CDK17: variants seen among roughly 807,000 people sequenced by gnomAD.
CDK17 encodes the protein cyclin dependent kinase 17.
CDK17 carries 24 observed loss-of-function variants against 77.6 expected under a neutral mutation model. The observed-to-expected ratio is 0.31, with a 90% CI of 0.22 to 0.44. CDK17 has a LOEUF of 0.44. Ranked by LOEUF, CDK17 falls within the 20% of genes least tolerant of loss-of-function variation. The pLI, the probability that CDK17 is intolerant of heterozygous loss-of-function variation, is 1.00. For missense variants in CDK17, 429 were observed against 622.5 expected (o/e 0.69, Z 3.31); for synonymous variants, 203 against 210.4 (o/e 0.96, Z 0.30).
In CDK17 at chr12:96,283,621, C is replaced by T. The variant is rs374223377; in HGVS notation, c.1347G>A (p.Leu449=). The change falls in exon 14 of 17, where the codon TTG becomes TTA. Residue 449 remains leucine (L), a synonymous_variant. Transcript: ENST00000261211. ...GACTTACCTGAAGAAATTTTGTTAT[C>T]AACTCAATTCCTTCAGAGTCTAACC... ...APRLDSEGIE[L]ITKFLQYESK... 1.2e-6 allele frequency: 2 copies of T among 1,600,036 alleles called. No homozygotes were observed. The highest frequency in any genetic ancestry group is 2.7e-5 in the African/African-American group (2 of 74,568).
intron 3 of CDK17, among the ~76,000 whole-genome samples, chr12:96,323,602 T>C (rs1232093768): frequency 1.5e-5 from 2 of 134,686 alleles, no homozygotes; most frequent in Non-Finnish European, 3.1e-5. Flanking sequence ...TAACCACATA[T>C]ACTATTCATT....
intron 10 of CDK17, among the ~76,000 whole-genome samples, chr12:96,294,429 C>T (rs934376729): frequency 1.3e-5 from 2 of 151,270 alleles, no homozygotes; most frequent in Non-Finnish European, 2.9e-5. Context: ...GCTAAAAATA[C>T]AAAATTAGCC....
intron 1 of CDK17, among the ~76,000 whole-genome samples, chr12:96,351,305 C>T (rs1401510432): frequency 3.9e-5 from 4 of 101,428 alleles, no homozygotes; most frequent in African/African-American, 1.6e-4. Flanking sequence ...CAACTCTACT[C>T]CTAGGGATAT....
At chr12:96,316,282 C>T (rs1468804670) in intron 3 of CDK17, among the ~76,000 whole-genome samples, 2 of 152,178 alleles carry the variant, frequency 1.3e-5, no homozygotes, top group African/African-American at 4.8e-5. Flanking sequence ...AGACTATATA[C>T]CACACCTGGC....
At chr12:96,359,241 T>C (rs536106947) in intron 1 of CDK17, among the ~76,000 whole-genome samples, 19 of 152,322 alleles carry the variant, frequency 1.2e-4, no homozygotes, top group Middle Eastern at 6.8e-3. Context: ...TGAAGATACA[T>C]ACACCATGGG....
intron 5 of CDK17, among the ~76,000 whole-genome samples, chr12:96,308,266 C>T (rs1269599027): frequency 4.4e-5 from 6 of 136,748 alleles, no homozygotes; most frequent in African/African-American, 2.6e-5. Flanking sequence ...TTTTAATTAG[C>T]TGGGTGTGAT....
At chr12:96,322,152 A>G (rs1042318148) in intron 3 of CDK17, among the ~76,000 whole-genome samples, 14 of 152,290 alleles carry the variant, frequency 9.2e-5, no homozygotes, top group Non-Finnish European at 1.6e-4. Context: ...CATTTCCATC[A>G]AGACAAACGT....
chr12:96,319,156 G>C (rs1248024622), intron 3 of CDK17, among the ~76,000 whole-genome samples: 1 of 150,984 alleles, frequency 6.6e-6, no homozygotes, highest in Non-Finnish European at 1.5e-5. Context: ...TACCATCAGA[G>C]AATACTACAA....
At chr12:96,283,351 G>A (rs950415072) in intron 14 of CDK17, among the ~76,000 whole-genome samples, 1 of 152,002 alleles carries the variant, frequency 6.6e-6, no homozygotes, top group African/African-American at 2.4e-5. Context: ...ATCAATTGCA[G>A]AGAATGTGGC....
At chr12:96,368,501 CAA>C (rs1301056568) in intron 1 of CDK17, among the ~76,000 whole-genome samples, 1 of 152,182 alleles carries the variant, frequency 6.6e-6, no homozygotes, top group Admixed American at 6.5e-5. Flanking sequence ...AGGCAGCCAG[CAA>C]AAGAGCTCTG....
intron 2 of CDK17, among the ~76,000 whole-genome samples, chr12:96,324,428 GTTTCCATA>G (rs1348854370): frequency 6.6e-6 from 1 of 152,194 alleles, no homozygotes; most frequent in East Asian, 1.9e-4. Context: ...TCTCAAGATT[GTTTCCATA>G]CCACTCCTCC....
At chr12:96,291,913 T>C (rs1952329532) in intron 10 of CDK17, among the ~76,000 whole-genome samples, 1 of 151,666 alleles carries the variant, frequency 6.6e-6, no homozygotes, top group Admixed American at 6.6e-5. Context: ...CATTTTGGGA[T>C]TGGGAATAAA....
At chr12:96,306,715 A>G (rs1212547606) in intron 5 of CDK17, among the ~76,000 whole-genome samples, 2 of 152,150 alleles carry the variant, frequency 1.3e-5, no homozygotes, top group African/African-American at 4.8e-5. Context: ...TATAAAGAAT[A>G]TATTATCCAC....
chr12:96,309,577 A>G (rs2137101776), intron 5 of CDK17, among the ~76,000 whole-genome samples: 1 of 152,352 alleles, frequency 6.6e-6, no homozygotes, highest in Non-Finnish European at 1.5e-5. Flanking sequence ...CATGTAACTG[A>G]CAAAGGTCCT....
rs565410469 is a variant in CDK17, at chr12:96,309,231, G to GGTTTTA, written c.543+1815_543+1820dup. On this transcript the variant is annotated intron_variant, in intron 5 of 16. Coordinates refer to ENST00000261211, the MANE Select transcript of CDK17 (RefSeq NM_002595.5). ...CATGACATCTACACCCAAACCTCTG[G>GGTTTTA]GTTTTAGTTTTAGTACATGAAGTTT... 1.3e-4 allele frequency among the ~76,000 whole-genome samples: 20 copies of GGTTTTA among 152,132 alleles called. No homozygotes were observed. In the South Asian group the frequency reaches 3.9e-3, roughly 30 times the overall value.
chr12:96,297,724 G>A lies in CDK17; in HGVS notation c.716-3C>T, dbSNP rs772660329. On this transcript the variant is annotated splice_polypyrimidine_tract_variant and splice_region_variant and intron_variant, in intron 7 of 16. Transcript: ENST00000261211. ...TTTTAAATCCTTTAATAGTGAAACT[G>A]CAAAACAGAAAAAGAAAATTGTTTA... 1 of 1,505,404 alleles carries A rather than the reference G, an allele frequency of 6.6e-7. No homozygotes were observed. The highest frequency in any genetic ancestry group is 9.2e-7 in the Non-Finnish European group (1 of 1,090,000). The allele number at this position is 1,505,404 out of a possible 1,614,324, so 93.3% of individuals were successfully genotyped here. A position where few individuals can be genotyped will look rare whatever the true frequency, so the allele number is the denominator to read the frequency against.
chr12:96,389,949 C>A (rs1211750698), intron 1 of CDK17, among the ~76,000 whole-genome samples: 1 of 150,926 alleles, frequency 6.6e-6, no homozygotes, highest in Non-Finnish European at 1.5e-5. Flanking sequence ...CCTGCCTCAG[C>A]CTCCTGAGTA....
chr12:96,321,807 G>T (rs1332119103), intron 3 of CDK17, among the ~76,000 whole-genome samples: 2 of 113,728 alleles, frequency 1.8e-5, no homozygotes, highest in Admixed American at 9.1e-5. Flanking sequence ...TGGGGACTGT[G>T]GTGGGGTGGG....
intron 1 of CDK17, 170 bp from the exon 2 acceptor site, chr12:96,335,035 G>A (rs749516714): frequency 3.0e-5 from 20 of 662,432 alleles, no homozygotes; most frequent in South Asian, 2.3e-4. Flanking sequence ...CACCTACTCC[G>A]AATAATGCTG....
Sources: gnomAD v4.1 joint callset for allele counts (sites outside exome capture counted in the v4.1 genomes callset) on GRCh38, gnomAD v4.1.1 for gene constraint, MANE v1.5 for transcripts, NCBI Gene and HGNC (gene_info 2026-07-23, HGNC 2026-07-21) for gene names.